Variants in FGF12 observed in about 807,000 individuals in gnomAD.
FGF12 encodes fibroblast growth factor 12B.
FGF12 carries 14 observed loss-of-function variants against 23.6 expected under a neutral mutation model. The observed-to-expected ratio is 0.59, with a 90% CI of 0.39 to 0.93. FGF12 has a LOEUF of 0.93. Among genes scored for constraint, FGF12 ranks in the 40% least tolerant of loss-of-function variants. The pLI is 0.00. For missense variants in FGF12, 175 were observed against 217.8 expected (o/e 0.80, Z 1.24); for synonymous variants, 62 against 77.3 (o/e 0.80, Z 1.04).
At chr3:192,719,504 A>G (rs1254683808) in intron 2 of FGF12, among the ~76,000 whole-genome samples, 3 of 152,238 alleles carry the variant, frequency 2.0e-5, no homozygotes, top group Non-Finnish European at 1.5e-5. Flanking sequence ...CTTGAAAATA[A>G]AGAGTGATTT....
chr3:192,278,578 C>T (rs1383903334), intron 4 of FGF12, among the ~76,000 whole-genome samples: 2 of 152,066 alleles, frequency 1.3e-5, no homozygotes, highest in East Asian at 3.8e-4. Flanking sequence ...ATGTGGGCCA[C>T]ATGGCAAAAA....
intron 5 of FGF12, among the ~76,000 whole-genome samples, chr3:192,162,229 C>A (rs1482500505): frequency 6.6e-6 from 1 of 151,898 alleles, no homozygotes; most frequent in Non-Finnish European, 1.5e-5. Context: ...AATTTCACAC[C>A]TGAATTAATG....
At chr3:192,205,713 C>A (rs1422173122) in intron 4 of FGF12, among the ~76,000 whole-genome samples, 3 of 152,152 alleles carry the variant, frequency 2.0e-5, no homozygotes, top group Non-Finnish European at 4.4e-5. Context: ...ATGGTGCCCA[C>A]TTCTGATGAA....
At chr3:192,536,982 T>TCTA (rs1725239200) in intron 2 of FGF12, among the ~76,000 whole-genome samples, 2 of 152,284 alleles carry the variant, frequency 1.3e-5, no homozygotes, top group East Asian at 3.9e-4. Context: ...TAACCATCAT[T>TCTA]CTACTGTCTA....
chr3:192,714,394 A>C (rs1264967304), intron 2 of FGF12, among the ~76,000 whole-genome samples: 1 of 152,196 alleles, frequency 6.6e-6, no homozygotes, highest in Non-Finnish European at 1.5e-5. Context: ...CATATATTTA[A>C]GCATAGATGA....
rs77396412 is a variant in FGF12, at chr3:192,388,282, A to G, written c.14-27744T>C. ...CTATCTAAAAAAATAACAATAATAC[A>G]TAAAACATAAGTGTCTATAAAAATA... On this transcript the variant is annotated intron_variant, in intron 2 of 5. Coordinates refer to ENST00000445105, the MANE Select transcript of FGF12 (RefSeq NM_004113.6). Among the ~76,000 whole-genome samples, 43 of 152,306 alleles carry G rather than the reference A, an allele frequency of 2.8e-4. No homozygotes were observed. The East Asian group carries it at 8.1e-3, about 29-fold the overall frequency.
chr3:192,645,658 T>C (rs35801160), intron 2 of FGF12, among the ~76,000 whole-genome samples: 8 of 151,030 alleles, frequency 5.3e-5, no homozygotes, highest in African/African-American at 1.9e-4. Context: ...GTCATCAGAG[T>C]ACAGGTGGTA....
At chr3:192,678,782 G>C (rs765980278) in intron 2 of FGF12, among the ~76,000 whole-genome samples, 2 of 152,164 alleles carry the variant, frequency 1.3e-5, no homozygotes, top group Non-Finnish European at 2.9e-5. Context: ...CTTCCTGAGA[G>C]CCAGCCCAGG....
At chr3:192,708,121 G>A (rs540681820) in intron 2 of FGF12, among the ~76,000 whole-genome samples, 145 of 152,002 alleles carry the variant, frequency 9.5e-4, no homozygotes, top group Admixed American at 2.4e-3. Flanking sequence ...CACCACACCC[G>A]GCCAATTTTT....
chr3:192,654,530 A>G (rs1169033709), intron 2 of FGF12, among the ~76,000 whole-genome samples: 1 of 152,234 alleles, frequency 6.6e-6, no homozygotes, highest in East Asian at 1.9e-4. Context: ...CTACTCTGGT[A>G]TCTTGCCACA....
At chr3:192,490,556 T>C (rs1723771820) in intron 2 of FGF12, among the ~76,000 whole-genome samples, 1 of 151,992 alleles carries the variant, frequency 6.6e-6, no homozygotes, top group Non-Finnish European at 1.5e-5. Context: ...TATATACACA[T>C]ACGTACACAT....
intron 2 of FGF12, among the ~76,000 whole-genome samples, chr3:192,603,187 A>G (rs2108633067): frequency 6.6e-6 from 1 of 152,324 alleles, no homozygotes; most frequent in South Asian, 2.1e-4. Context: ...TAGCCAGAGC[A>G]GTCGGACAAG....
chr3:192,391,900 G>A (rs1474308043), intron 2 of FGF12, among the ~76,000 whole-genome samples: 1 of 152,138 alleles, frequency 6.6e-6, no homozygotes, highest in Non-Finnish European at 1.5e-5. Flanking sequence ...GATTGGAGAC[G>A]GTAAGACACA....
intron 4 of FGF12, among the ~76,000 whole-genome samples, chr3:192,303,744 T>C (rs1431060278): frequency 2.0e-5 from 3 of 152,234 alleles, no homozygotes; most frequent in African/African-American, 4.8e-5. Context: ...TGAGGCATGA[T>C]AGTTTCCCTG....
intron 2 of FGF12, among the ~76,000 whole-genome samples, chr3:192,676,618 T>C (rs191812710): frequency 6.6e-6 from 1 of 152,300 alleles, no homozygotes; most frequent in East Asian, 1.9e-4. Flanking sequence ...AATGTAACCA[T>C]ATTTTGAGAT....
At chr3:192,157,070 C>T (rs778440773) in intron 5 of FGF12, among the ~76,000 whole-genome samples, 89 of 152,200 alleles carry the variant, frequency 5.8e-4, no homozygotes, top group Non-Finnish European at 1.1e-3. Flanking sequence ...TATTTTCAGA[C>T]ACAAGGACAA....
Position 192,386,192 on chromosome 3 carries a change from A to T in FGF12, c.14-25654T>A, listed in dbSNP as rs191681355. On this transcript the variant is annotated intron_variant, in intron 2 of 5. Transcript: ENST00000445105. ...TCTCCAGAGCTAATTCCACAGTTCC[A>T]CGCTGACTTCAATACATACTGCTAT... is the stretch of plus-strand genomic sequence containing the variant. Among the ~76,000 whole-genome samples the T allele has an allele frequency of 1.0e-3, 155 of 152,308 alleles. 1 individual carries two copies. The highest frequency in any genetic ancestry group is 3.6e-3 in the African/African-American group (149 of 41,568).
At chr3:192,518,443 CTAAGA>C (rs1418636839) in intron 2 of FGF12, among the ~76,000 whole-genome samples, 2 of 152,050 alleles carry the variant, frequency 1.3e-5, no homozygotes, top group South Asian at 2.1e-4. Flanking sequence ...TGTGACTTAT[CTAAGA>C]TATTTTTCTA....
At chr3:192,429,233 G>A (rs1016081523) in intron 2 of FGF12, among the ~76,000 whole-genome samples, 6 of 151,978 alleles carry the variant, frequency 3.9e-5, no homozygotes, top group East Asian at 3.9e-4. Context: ...AACAGCCCTC[G>A]CAGATTAATA....
Sources: allele counts gnomAD v4.1 joint callset (sites outside exome capture counted in the v4.1 genomes callset), GRCh38; gene constraint gnomAD v4.1.1; transcripts MANE v1.5; gene names NCBI Gene and HGNC (gene_info 2026-07-23, HGNC 2026-07-21).